The following TMEM182 variants were observed in gnomAD, a reference collection of about 807,000 sequenced individuals.
TMEM182 encodes transmembrane protein 182.
A neutral mutation model predicts 26.8 loss-of-function variants in TMEM182; 20 were observed. The ratio of observed to expected loss-of-function variants is 0.75; its 90% CI spans 0.53 to 1.09. The LOEUF (loss-of-function observed/expected upper bound fraction) is 1.09. Among genes scored for constraint, TMEM182 ranks in the 50% least tolerant of loss-of-function variants. The pLI, the probability that TMEM182 is intolerant of heterozygous loss-of-function variation, is 0.00. For missense variants in TMEM182, 277 were observed against 275.5 expected, an observed-to-expected ratio of 1.01 and a Z score of -0.04; for synonymous variants, 109 against 102.2, an observed-to-expected ratio of 1.07 and a Z score of -0.40.
intron 3 of TMEM182, among the ~76,000 whole-genome samples, chr2:102,785,397 C>T (rs1171036400): frequency 1.3e-5 from 2 of 152,214 alleles, no homozygotes; most frequent in African/African-American, 4.8e-5. Context: ...ATAGTCTTTC[C>T]TTGCACTTGG....
chr2:102,774,168 T>G (rs1680803641), intron 3 of TMEM182, among the ~76,000 whole-genome samples: 1 of 151,754 alleles, frequency 6.6e-6, no homozygotes, highest in African/African-American at 2.4e-5. Context: ...CCAAACATCA[T>G]ATACTTTCTA....
At chr2:102,836,182 C>A in intron 3 of TMEM182, among the ~76,000 whole-genome samples, 1 of 152,166 alleles carries the variant, frequency 6.6e-6, no homozygotes, top group South Asian at 2.1e-4. Context: ...ATTATGAATA[C>A]AGCTGCAATA....
chr2:102,744,314 AAAG>A (rs1436800208), intron 1 of TMEM182, among the ~76,000 whole-genome samples: 1 of 152,062 alleles, frequency 6.6e-6, no homozygotes, highest in Non-Finnish European at 1.5e-5. Flanking sequence ...CACCTAGCTT[AAAG>A]AAGACTCAAG....
chr2:102,832,385 C>T (rs891354432), intron 3 of TMEM182, among the ~76,000 whole-genome samples: 1 of 152,230 alleles, frequency 6.6e-6, no homozygotes, highest in Non-Finnish European at 1.5e-5. Flanking sequence ...AGACCTCACT[C>T]AGCTTAATAA....
chr2:102,767,372 G>A (rs1267070559), intron 3 of TMEM182, among the ~76,000 whole-genome samples: 2 of 152,126 alleles, frequency 1.3e-5, no homozygotes, highest in Non-Finnish European at 2.9e-5. Context: ...GTACTTCTAA[G>A]TGCATTAAAC....
chr2:102,798,514 T>G lies in TMEM182; in HGVS notation c.469+514T>G, dbSNP rs570102070. Among the ~76,000 whole-genome samples, 6 of 152,298 alleles carry G rather than the reference T, an allele frequency of 3.9e-5. No individual in the cohort carries two copies. In the East Asian group the frequency reaches 1.2e-3, roughly 29 times the overall value. ...ATGATTTATCATAGGTACAAAAATATTTTTCTACATCACTCCCATTCATTT... is the reference window on the plus strand; with the variant it reads ...ATGATTTATCATAGGTACAAAAATAGTTTTCTACATCACTCCCATTCATTT... On this transcript the variant is annotated intron_variant, in intron 4 of 4. Transcript: ENST00000412401.
chr2:102,810,906 G>C (rs1471083840), intron 4 of TMEM182, among the ~76,000 whole-genome samples: 1 of 151,798 alleles, frequency 6.6e-6, no homozygotes. Flanking sequence ...TGTTATTCAA[G>C]CCAGTTATTG....
chr2:102,786,852 A>C (rs924666900), intron 3 of TMEM182, among the ~76,000 whole-genome samples: 3 of 152,194 alleles, frequency 2.0e-5, no homozygotes, highest in African/African-American at 7.2e-5. Flanking sequence ...TGAGTCCCGG[A>C]CACTCACAAT....
At chr2:102,754,888 A>G (rs973651478) in intron 1 of TMEM182, among the ~76,000 whole-genome samples, 3 of 152,252 alleles carry the variant, frequency 2.0e-5, no homozygotes, top group African/African-American at 7.2e-5. Context: ...AAGATACTGA[A>G]TCAAAGCAGG....
downstream of TMEM182, among the ~76,000 whole-genome samples, chr2:102,822,460 A>G (rs1446551071): frequency 3.3e-5 from 5 of 152,204 alleles, no homozygotes; most frequent in Non-Finnish European, 5.9e-5. Flanking sequence ...CAAGGAAAAA[A>G]GGTGATCTTT....
chr2:102,820,361 A>C (rs567386369), downstream of TMEM182, among the ~76,000 whole-genome samples: 81 of 152,370 alleles, frequency 5.3e-4, no homozygotes, highest in Non-Finnish European at 8.5e-4. Flanking sequence ...TGTTAGATAC[A>C]TATTATTGAA....
At chr2:102,834,397 T>C (rs1683205067) in intron 3 of TMEM182, 1 of 985,226 alleles carries the variant, frequency 1.0e-6, no homozygotes, top group Admixed American at 6.2e-5. Context: ...TGGGATCCTC[T>C]GCTGTAAACA....
At chr2:102,738,923 G>A (rs188259119) in intron 1 of TMEM182, among the ~76,000 whole-genome samples, 6 of 152,176 alleles carry the variant, frequency 3.9e-5, no homozygotes, top group African/African-American at 1.4e-4. Flanking sequence ...GACAATGTCA[G>A]AGTGGATTTA....
chr2:102,742,287 A>G (rs1679566640), intron 1 of TMEM182, among the ~76,000 whole-genome samples: 2 of 152,192 alleles, frequency 1.3e-5, no homozygotes, highest in African/African-American at 4.8e-5. Flanking sequence ...AACCAGGGAA[A>G]CAATCATTGA....
At chr2:102,762,459 G>C in intron 1 of TMEM182, 110 bp downstream of exon 1, 1 of 1,527,744 alleles carries the variant, frequency 6.5e-7, no homozygotes, top group Non-Finnish European at 8.9e-7. Context: ...TCATGGAAGA[G>C]ATATGTAGAA....
At chr2:102,740,996 A>G (rs1300855150) in intron 1 of TMEM182, among the ~76,000 whole-genome samples, 1 of 152,240 alleles carries the variant, frequency 6.6e-6, no homozygotes, top group East Asian at 1.9e-4. Context: ...TCATATAAAA[A>G]TTATAGAGGG....
At chr2:102,798,029 C>G (rs565840796) in intron 4 of TMEM182, 29 bp downstream of exon 4, 2 of 1,576,564 alleles carry the variant, frequency 1.3e-6, no homozygotes, top group East Asian at 4.5e-5. Context: ...GTATGACTTT[C>G]AGCCACGGTT....
At chr2:102,834,965 T>C (rs1683218298) in intron 3 of TMEM182, among the ~76,000 whole-genome samples, 1 of 152,164 alleles carries the variant, frequency 6.6e-6, no homozygotes, top group Non-Finnish European at 1.5e-5. Flanking sequence ...ACCTCCTAGA[T>C]GAGGACTTAT....
At chr2:102,842,271 C>T (rs1160838022) in intron 3 of TMEM182, among the ~76,000 whole-genome samples, 2 of 152,074 alleles carry the variant, frequency 1.3e-5, no homozygotes, top group East Asian at 1.9e-4. Context: ...TTATTTATTC[C>T]GATTGATGGT....
Sources: allele counts gnomAD v4.1 joint callset (sites outside exome capture counted in the v4.1 genomes callset), GRCh38; gene constraint gnomAD v4.1.1; transcripts MANE v1.5; gene names NCBI Gene and HGNC (gene_info 2026-07-23, HGNC 2026-07-21).